Variants in KIF7 observed in about 807,000 individuals in gnomAD.
The protein encoded by KIF7 is kinesin family member 7.
KIF7 carries 104 observed loss-of-function variants against 135.7 expected under a neutral mutation model. That is an observed-to-expected ratio of 0.77 (90% CI 0.65 to 0.90). KIF7 has a LOEUF of 0.90. Ranked by LOEUF, KIF7 falls within the 40% of genes least tolerant of loss-of-function variation. The pLI is 0.00. For synonymous variants in KIF7, 883 were observed against 809.4 expected (o/e 1.09, Z -1.54); for missense variants, 2,005 against 1,839.1 (o/e 1.09, Z -1.65).
intron 8 of KIF7, 43 bp downstream of exon 8, chr15:89,645,850 C>T: frequency 6.2e-7 from 1 of 1,605,634 alleles, no homozygotes; most frequent in Non-Finnish European, 8.5e-7. Context: ...GCCCTGGGCC[C>T]TGAGCAGGTC....
rs1209926537 is a variant in KIF7, at chr15:89,636,771, A to G, written c.2395-2888T>C. On this transcript the variant is annotated intron_variant, in intron 11 of 18. Coordinates refer to ENST00000394412, the MANE Select transcript of KIF7 (RefSeq NM_198525.3). Reference sequence around the variant, plus strand: ...CAATGTCAACATTAGACAGATCAACAAGACAGAAAGTCAACAAGGATACCC... The same window carrying G: ...CAATGTCAACATTAGACAGATCAACGAGACAGAAAGTCAACAAGGATACCC... 4.2e-5 allele frequency among the ~76,000 whole-genome samples: 5 copies of G among 117,840 alleles called. No homozygotes were observed. The East Asian group carries it at 1.1e-3, about 27-fold the overall frequency. The allele number at this position is 117,840 out of a possible 152,430, so 77.3% of individuals were successfully genotyped here.
chr15:89,625,560 G>A (rs749106035), downstream of KIF7: 144 of 1,612,932 alleles, frequency 8.9e-5, no homozygotes, highest in Non-Finnish European at 9.8e-5. Flanking sequence ...CAGACCAGTC[G>A]CCTCCCAGGA....
chr15:89,649,173 G>C lies in KIF7; in HGVS notation c.724C>G (p.Gln242Glu). ...PSRLPRPAPGQLLVSKFHFVD... is the reference protein window; with the variant it reads ...PSRLPRPAPGELLVSKFHFVD... ...AAGTGGAACTTGGAGACGAGCAGCT[G>C]GCCCGGGGCGGGGCGGGGTAGGCGG... The change falls in exon 4 of 19, where the codon CAG (glutamine) becomes GAG (glutamate). Residue 242 changes from glutamine (Q) to glutamate (E), a missense_variant. Transcript: ENST00000394412. 6.5e-7 allele frequency: 1 copy of C among 1,547,886 alleles called. No individual in the cohort carries two copies. Among genetic ancestry groups the C allele is most frequent in the Non-Finnish European group, 8.7e-7 (1 of 1,146,628 alleles).
intron 15 of KIF7, 125 bp from the exon 16 acceptor site, chr15:89,630,618 A>AAGTC: frequency 1.2e-6 from 1 of 804,146 alleles, no homozygotes; most frequent in Non-Finnish European, 2.1e-6. Flanking sequence ...CCCAAGGGCC[A>AAGTC]AGTCAGCCCA....
rs534414527 is a variant in KIF7, at chr15:89,637,590, G to A, written c.2395-3707C>T. Reference sequence around the variant, plus strand: ...TCTAGAAGAAATGGATAAATTCCTCGACACATACACTCTCCCAAGACTAAA... The same window carrying A: ...TCTAGAAGAAATGGATAAATTCCTCAACACATACACTCTCCCAAGACTAAA... On this transcript the variant is annotated intron_variant, in intron 11 of 18. Transcript: ENST00000394412. 7.5e-4 allele frequency among the ~76,000 whole-genome samples: 112 copies of A among 149,330 alleles called. No homozygotes were observed. The East Asian group carries it at 0.018, about 25-fold the overall frequency.
upstream of KIF7, among the ~76,000 whole-genome samples, chr15:89,658,156 G>A (rs892555972): frequency 3.9e-5 from 6 of 152,088 alleles, no homozygotes; most frequent in African/African-American, 1.2e-4. Context: ...AGTTTATTTC[G>A]AGAGAAACTC....
chr15:89,628,898 G>C, intron 18 of KIF7, 78 bp downstream of exon 18: 1 of 1,612,170 alleles, frequency 6.2e-7, no homozygotes, highest in Non-Finnish European at 8.5e-7. Flanking sequence ...AGCCAATAAA[G>C]GCTCGAGGGA....
chr15:89,624,700 G>A (rs1963484230), downstream of KIF7: 2 of 1,614,152 alleles, frequency 1.2e-6, no homozygotes, highest in Non-Finnish European at 8.5e-7. Flanking sequence ...CACAGAGCAT[G>A]TCACTCTCCT....
At chr15:89,637,962 C>A (rs1340661560) in intron 11 of KIF7, among the ~76,000 whole-genome samples, 2 of 106,536 alleles carry the variant, frequency 1.9e-5, no homozygotes, top group African/African-American at 6.6e-5. Context: ...CATCAAAAAG[C>A]TTATCCACCA....
intron 16 of KIF7, 75 bp downstream of exon 16, chr15:89,630,212 G>T: frequency 1.4e-6 from 2 of 1,381,230 alleles, no homozygotes; most frequent in Non-Finnish European, 2.0e-6. Flanking sequence ...GATATCCGCT[G>T]GAGCAGCTGC....
chr15:89,621,592 G>C lies in KIF7; in HGVS notation c.181-3397C>G, dbSNP rs376278448. 6.5e-6 allele frequency: 10 copies of C among 1,536,276 alleles called. No homozygotes were observed. The African/African-American group carries it at 1.4e-4, about 21-fold the overall frequency. On this transcript the variant is annotated intron_variant and NMD_transcript_variant, in intron 1 of 2. Coordinates refer to the KIF7 transcript ENST00000558928. The stretch of plus-strand genomic sequence containing the variant: ...ATGTTTGAAATAATATAATCTCCTG[G>C]AACACAGAGACATGGCCAAGGAACT...
At chr15:89,638,501 A>C (rs1288176076) in intron 11 of KIF7, among the ~76,000 whole-genome samples, 1 of 151,622 alleles carries the variant, frequency 6.6e-6, no homozygotes, top group African/African-American at 2.4e-5. Flanking sequence ...TTATACACCA[A>C]CAACAAACAG....
Position 89,628,485 on chromosome 15 carries a change from G to A in KIF7, c.3966C>T (p.Ser1322=), listed in dbSNP as rs148134313. ...AGLPWNFGPL[S]KPRRELRRAS... ...CTCGTCGCAGTTCCCGCCGGGGCTT[G>A]GACAAAGGCCCAAAGTTCCAGGGCA... The change falls in exon 19 of 19, where the codon TCC becomes TCT. Residue 1322 remains serine, a synonymous_variant. Coordinates refer to ENST00000394412, the MANE Select transcript of KIF7 (RefSeq NM_198525.3). 15 of 1,612,114 alleles carry A rather than the reference G, an allele frequency of 9.3e-6. No individual in the cohort carries two copies. The African/African-American group carries it at 1.7e-4, about 19-fold the overall frequency.
chr15:89,629,306 G>A, intron 17 of KIF7, 69 bp downstream of exon 17: 3 of 1,227,594 alleles, frequency 2.4e-6, no homozygotes, highest in Non-Finnish European at 3.3e-6. Context: ...GGGGGGTGCA[G>A]GGCGGGGAAG....
chr15:89,661,474 T>C, the KIF7 span, among the ~76,000 whole-genome samples: 2 of 151,874 alleles, frequency 1.3e-5, no homozygotes, highest in South Asian at 4.2e-4. Flanking sequence ...TGGGGAGGGA[T>C]TGTGGATGTC....
At chr15:89,646,053 C>T in intron 7 of KIF7, 27 bp from the exon 8 acceptor site, 4 of 1,613,146 alleles carry the variant, frequency 2.5e-6, no homozygotes, top group Non-Finnish European at 3.4e-6. Flanking sequence ...TTTCCCATCC[C>T]AAGTCATCAT....
intron 2 of KIF7, among the ~76,000 whole-genome samples, chr15:89,617,533 CTT>C (rs1963354384): frequency 6.6e-6 from 1 of 152,052 alleles, no homozygotes; most frequent in Non-Finnish European, 1.5e-5. Flanking sequence ...CCATCTCACT[CTT>C]TTTCTGAGTA....
intron 11 of KIF7, 86 bp from the exon 12 acceptor site, chr15:89,633,969 A>G (rs1963745702): frequency 6.9e-7 from 1 of 1,446,466 alleles, no homozygotes; most frequent in Admixed American, 1.7e-5. Flanking sequence ...GGGCAGGCAG[A>G]TAGAGGGCAA....
At chr15:89,630,522 A>G (rs1185832165) in intron 15 of KIF7, 29 bp from the exon 16 acceptor site, 2 of 1,512,690 alleles carry the variant, frequency 1.3e-6, no homozygotes, top group Middle Eastern at 2.1e-4. Flanking sequence ...GTGGAGGAAC[A>G]GCACCCACTG....
Sources: gnomAD v4.1 joint callset for allele counts (sites outside exome capture counted in the v4.1 genomes callset) on GRCh38, gnomAD v4.1.1 for gene constraint, MANE v1.5 for transcripts, NCBI Gene and HGNC (gene_info 2026-07-23, HGNC 2026-07-21) for gene names.